Variants in LSM12 observed in about 807,000 individuals in gnomAD.
LSM12 encodes the protein LSM12 homolog, also known as protein LSM12.
For synonymous variants in LSM12, 74 were observed against 87.3 expected (o/e 0.85, Z 0.85); for missense variants, 108 against 238.9 (o/e 0.45, Z 3.61).
chr17:44,062,261 C>G (rs1043552197), intron 2 of LSM12, among the ~76,000 whole-genome samples: 21 of 149,522 alleles, frequency 1.4e-4, no homozygotes, highest in African/African-American at 4.6e-4. Flanking sequence ...ATAGGGTAAC[C>G]TAATCTATAC....
chr17:44,044,142 G>A (rs1175812444), intron 2 of LSM12, among the ~76,000 whole-genome samples: 1 of 152,066 alleles, frequency 6.6e-6, no homozygotes, highest in Non-Finnish European at 1.5e-5. Context: ...CAGGAAACCA[G>A]GCATCTATGC....
chr17:44,040,311 A>G, intron 2 of LSM12, 55 bp from the exon 3 acceptor site: 1 of 1,341,524 alleles, frequency 7.5e-7, no homozygotes, highest in Non-Finnish European at 1.1e-6. Flanking sequence ...CATTCTTGCC[A>G]ACAGTCAGGA....
intron 2 of LSM12, among the ~76,000 whole-genome samples, chr17:44,046,366 T>A (rs1419277478): frequency 1.3e-5 from 2 of 152,110 alleles, no homozygotes; most frequent in Non-Finnish European, 2.9e-5. Context: ...TAAGTGTATG[T>A]TTAATTTTTA....
intron 3 of LSM12, among the ~76,000 whole-genome samples, chr17:44,038,261 G>A (rs905259514): frequency 2.6e-5 from 4 of 151,634 alleles, no homozygotes; most frequent in African/African-American, 9.7e-5. Context: ...GGCTGAGGTG[G>A]GAGAATCACC....
chr17:44,041,242 G>T (rs1243158916), intron 2 of LSM12, among the ~76,000 whole-genome samples: 1 of 138,514 alleles, frequency 7.2e-6, no homozygotes, highest in Non-Finnish European at 1.5e-5. Context: ...CTGTACTCCA[G>T]CCTGGGCAAA....
chr17:44,048,826 T>A (rs1313353078), intron 2 of LSM12, among the ~76,000 whole-genome samples: 2 of 152,176 alleles, frequency 1.3e-5, no homozygotes, highest in Admixed American at 1.3e-4. Flanking sequence ...TGTGCCCGTT[T>A]TATATATAGC....
chr17:44,037,838 T>G (rs1317208454), intron 3 of LSM12, among the ~76,000 whole-genome samples: 1 of 152,186 alleles, frequency 6.6e-6, no homozygotes, highest in Non-Finnish European at 1.5e-5. Context: ...CAAATTAAGA[T>G]AGCAGCCTAG....
At chr17:44,040,819 C>CAAAA (rs1180250412) in intron 2 of LSM12, among the ~76,000 whole-genome samples, 12 of 119,688 alleles carry the variant, frequency 1.0e-4, no homozygotes, top group South Asian at 2.7e-4. Flanking sequence ...ACTAAAAATA[C>CAAAA]AAAAAAAAAA....
At chr17:44,045,457 C>T (rs1282919291) in intron 2 of LSM12, among the ~76,000 whole-genome samples, 1 of 152,086 alleles carries the variant, frequency 6.6e-6, no homozygotes, top group African/African-American at 2.4e-5. Context: ...TTTCATGTAC[C>T]AATAGTTTTT....
At chr17:44,065,167 G>C (rs1054096448) in intron 1 of LSM12, among the ~76,000 whole-genome samples, 1 of 151,928 alleles carries the variant, frequency 6.6e-6, no homozygotes, top group African/African-American at 2.4e-5. Flanking sequence ...CCGGGCGGTG[G>C]CTCAGGCCTG....
intron 2 of LSM12, among the ~76,000 whole-genome samples, chr17:44,054,595 C>T (rs935866290): frequency 6.6e-6 from 1 of 151,476 alleles, no homozygotes; most frequent in East Asian, 2.0e-4. Context: ...TGTGAGTCAC[C>T]ACACCCACCA....
At chr17:44,061,190 G>C (rs1459037693) in intron 2 of LSM12, among the ~76,000 whole-genome samples, 1 of 151,918 alleles carries the variant, frequency 6.6e-6, no homozygotes, top group Non-Finnish European at 1.5e-5. Context: ...GGCTGTGCAT[G>C]CCTGTAATCC....
In LSM12 at chr17:44,059,407, G is replaced by A. The variant is rs538243996; in HGVS notation, c.258+4394C>T. On this transcript the variant is annotated intron_variant, in intron 2 of 4. Transcript: ENST00000293406. ...AGTTCAAGGCCAGCCTGGTCAACAC[G>A]GCAAAACCCCATCTCTACTAAAAAT... Among the ~76,000 whole-genome samples the A allele has an allele frequency of 7.2e-5, 11 of 152,186 alleles. No homozygotes were observed. In the East Asian group the frequency reaches 1.5e-3, roughly 21 times the overall value.
At chr17:44,062,788 C>T (rs139287973) in intron 2 of LSM12, among the ~76,000 whole-genome samples, 5 of 151,572 alleles carry the variant, frequency 3.3e-5, no homozygotes, top group Admixed American at 6.6e-5. Context: ...TTTGGGAGGC[C>T]GAGGCAAGCA....
At position 44,034,675 on chromosome 17, in the gene LSM12, T is replaced by C. The variant is rs1283463284; in HGVS notation, c.*1533A>G. 6.7e-6 allele frequency: 1 copy of C among 149,998 alleles called. No homozygotes were observed. The highest frequency in any genetic ancestry group is 1.5e-5 in the Non-Finnish European group (1 of 67,544). 9.3% of individuals were successfully genotyped at this position (149,998 alleles called of 1,614,324 possible). ...TTTGGGTTTTATTGTTTTTGCTAAA[T>C]AATACTAAAAAAAAAATTTCATTTT... is the stretch of plus-strand genomic sequence containing the variant. On this transcript the variant is annotated 3_prime_UTR_variant, in exon 5 of 5. Transcript: ENST00000293406.
intron 1 of LSM12, among the ~76,000 whole-genome samples, chr17:44,064,719 C>T (rs1392649771): frequency 7.0e-6 from 1 of 142,174 alleles, no homozygotes; most frequent in Non-Finnish European, 1.5e-5. Flanking sequence ...GGTGACAGAG[C>T]GAGACTCCGT....
intron 2 of LSM12, among the ~76,000 whole-genome samples, chr17:44,062,221 CAAAAAAAA>C (rs529081923): frequency 1.6e-5 from 1 of 63,892 alleles, no homozygotes; most frequent in Admixed American, 1.9e-4. Flanking sequence ...GACTCCGTCT[CAAAAAAAA>C]AAAAAAAAAA....
At position 44,050,453 on chromosome 17, in the gene LSM12, A is replaced by G. The variant is rs529276561; in HGVS notation, c.259-10197T>C. Among the ~76,000 whole-genome samples, 11 of 151,440 alleles carry G rather than the reference A, an allele frequency of 7.3e-5. No individual in the cohort carries two copies. The South Asian group carries it at 1.3e-3, about 17-fold the overall frequency. The stretch of plus-strand genomic sequence containing the variant: ...TAGCAACAAATAGGCTCTCAAAAAT[A>G]TATCTTCTGAATATCAGCATCCCCA... On this transcript the variant is annotated intron_variant, in intron 2 of 4. Coordinates refer to ENST00000293406, the MANE Select transcript of LSM12 (RefSeq NM_001371445.1).
At chr17:44,060,113 C>T (rs199596781) in intron 2 of LSM12, among the ~76,000 whole-genome samples, 7 of 151,984 alleles carry the variant, frequency 4.6e-5, no homozygotes, top group African/African-American at 1.5e-4. Context: ...TGCAGTGAGC[C>T]GAGATGGCGC....
Sources: allele counts gnomAD v4.1 joint callset (sites outside exome capture counted in the v4.1 genomes callset), GRCh38; gene constraint gnomAD v4.1.1; transcripts MANE v1.5; gene names NCBI Gene and HGNC (gene_info 2026-07-23, HGNC 2026-07-21).